MICAL3: variants seen among roughly 807,000 people sequenced by gnomAD.
MICAL3 encodes microtubule associated monooxygenase, calponin and LIM domain containing 3, also known as [F-actin]-monooxygenase MICAL3.
A neutral mutation model predicts 207.4 loss-of-function variants in MICAL3; 62 were observed. That is an observed-to-expected ratio of 0.30 (90% CI 0.24 to 0.37). MICAL3 has a LOEUF of 0.37. Ranked by LOEUF, MICAL3 falls within the 10% of genes least tolerant of loss-of-function variation. The pLI is 1.00. For missense variants in MICAL3, 2,368 were observed against 2,635.6 expected (o/e 0.90, Z 2.22); for synonymous variants, 1,077 against 1,069.3 (o/e 1.01, Z -0.14).
intron 1 of MICAL3, among the ~76,000 whole-genome samples, chr22:17,954,882 C>G (rs558104609): frequency 6.6e-6 from 1 of 152,188 alleles, no homozygotes; most frequent in African/African-American, 2.4e-5. Context: ...CACCACCACG[C>G]CCAGCTAATT....
intron 12 of MICAL3, 99 bp downstream of exon 12, chr22:17,891,386 T>G: frequency 9.5e-7 from 1 of 1,051,630 alleles, no homozygotes. Context: ...TCTTACTATG[T>G]ACCTCATTCT....
At chr22:17,848,854 C>A (rs1346408581) in intron 19 of MICAL3, among the ~76,000 whole-genome samples, 1 of 152,236 alleles carries the variant, frequency 6.6e-6, no homozygotes, top group Non-Finnish European at 1.5e-5. Context: ...CCTCTGCTGC[C>A]CCATTCACTA....
chr22:17,857,150 C>A (rs1010950265), intron 19 of MICAL3, among the ~76,000 whole-genome samples: 3 of 152,320 alleles, frequency 2.0e-5, no homozygotes, highest in Admixed American at 6.5e-5. Flanking sequence ...CAGGAGTCCC[C>A]ACCCCCTGCG....
At chr22:17,845,041 G>A (rs577785316) in intron 19 of MICAL3, among the ~76,000 whole-genome samples, 1 of 152,150 alleles carries the variant, frequency 6.6e-6, no homozygotes, top group Non-Finnish European at 1.5e-5. Context: ...TGTCTGTGGC[G>A]CCATTTGATT....
chr22:17,903,685 T>C (rs1393498569), intron 3 of MICAL3, among the ~76,000 whole-genome samples: 1 of 152,222 alleles, frequency 6.6e-6, no homozygotes, highest in Non-Finnish European at 1.5e-5. Context: ...CAGAGAACTG[T>C]GGGTCCCAAG....
At chr22:17,798,095 G>A (rs752553186) in intron 29 of MICAL3, among the ~76,000 whole-genome samples, 10 of 152,228 alleles carry the variant, frequency 6.6e-5, no homozygotes, top group Admixed American at 1.3e-4. Flanking sequence ...CAGGGAACAC[G>A]GGTTAGGTCC....
At chr22:17,837,725 C>T (rs1435778937) in intron 20 of MICAL3, among the ~76,000 whole-genome samples, 3 of 152,176 alleles carry the variant, frequency 2.0e-5, no homozygotes, top group South Asian at 2.1e-4. Flanking sequence ...GATTTATAGG[C>T]GCTTGTGTGA....
chr22:17,947,723 C>G (rs548427144), intron 1 of MICAL3, among the ~76,000 whole-genome samples: 1 of 148,508 alleles, frequency 6.7e-6, no homozygotes, highest in East Asian at 1.9e-4. Context: ...CACCACCACA[C>G]CCGGCTGATA....
At chr22:17,885,773 G>A (rs1181986165) in intron 16 of MICAL3, 105 bp downstream of exon 16, 23 of 1,215,906 alleles carry the variant, frequency 1.9e-5, no homozygotes, top group Non-Finnish European at 2.4e-5. Flanking sequence ...GCCAGCCCAC[G>A]AACGCTGGGG....
intron 1 of MICAL3, among the ~76,000 whole-genome samples, chr22:17,998,635 A>G (rs1469390122): frequency 2.0e-5 from 3 of 151,156 alleles, no homozygotes; most frequent in African/African-American, 7.3e-5. Flanking sequence ...GGCTCACTGC[A>G]ACCTCCACCT....
At chr22:17,895,485 T>C (rs1322964626) in intron 9 of MICAL3, 75 bp from the exon 10 acceptor site, 14 of 1,549,326 alleles carry the variant, frequency 9.0e-6, no homozygotes, top group African/African-American at 1.4e-5. Context: ...ATGATTGTTC[T>C]GACAGCGCAG....
At chr22:17,991,597 T>C (rs1446897481) in intron 1 of MICAL3, among the ~76,000 whole-genome samples, 1 of 152,194 alleles carries the variant, frequency 6.6e-6, no homozygotes, top group African/African-American at 2.4e-5. Flanking sequence ...TCCTTCATGT[T>C]AGCCAGTCAG....
chr22:17,790,490 G>C lies in MICAL3; in HGVS notation c.*242C>G, dbSNP rs11912641. ...TGCGTCATGCCATACACGCCGTGCT[G>C]CTCCTCTGAGTGGGAGGTCCAGGTG... On this transcript the variant is annotated 3_prime_UTR_variant, in exon 32 of 32. Coordinates refer to ENST00000441493, the MANE Select transcript of MICAL3 (RefSeq NM_015241.3). 105,148 of 561,210 alleles carry C rather than the reference G, an allele frequency of 0.19. 11,711 individuals are homozygous for C. Among genetic ancestry groups the C allele is most frequent in the Non-Finnish European group, 0.24 (75,454 of 313,994 alleles). 34.8% of individuals were successfully genotyped at this position (561,210 alleles called of 1,614,324 possible).
chr22:17,821,571 C>T (rs1921642990), intron 24 of MICAL3, 62 bp from the exon 25 acceptor site: 1 of 1,357,382 alleles, frequency 7.4e-7, no homozygotes, highest in East Asian at 2.6e-5. Context: ...GGAAGGCACC[C>T]CTATCAGCCA....
At chr22:17,980,338 G>T (rs1935851312) in intron 1 of MICAL3, among the ~76,000 whole-genome samples, 1 of 152,182 alleles carries the variant, frequency 6.6e-6, no homozygotes, top group Non-Finnish European at 1.5e-5. Context: ...GCTTCCAAAA[G>T]GAAATTGCTG....
In MICAL3 at chr22:17,817,958, A is replaced by G. The variant is rs552697106; in HGVS notation, c.4703T>C (p.Leu1568Pro). 2.0e-5 allele frequency: 32 copies of G among 1,612,418 alleles called. No homozygotes were observed. The Admixed American group carries it at 5.2e-4, about 26-fold the overall frequency. Residue 1568 changes from leucine (L) to proline (P), a missense_variant, in exon 26 of 32, where the codon CTG becomes CCG. Transcript: ENST00000441493. ...HPPLAKENGRLPALEGTLQPQ... is the reference protein window; with the variant it reads ...HPPLAKENGRPPALEGTLQPQ... ...CTGCAGCGTCCCCTCCAGAGCAGGC[A>G]GCCTCCCGTTCTCCTTGGCCAGGGG...
At position 17,842,003 on chromosome 22, in the gene MICAL3, C is replaced by A. The variant is rs1292034516; in HGVS notation, c.2620G>T (p.Gly874Cys). Residue 874 changes from glycine (G) to cysteine (C), a missense_variant, in exon 20 of 32, where the codon GGC becomes TGC. Physicochemically the swap from Gly to Cys is radical, Grantham distance 159. This residue lies in a region of MICAL3 where 1,770 missense variants were observed against 1,863.2 expected (regional missense o/e 0.95). Coordinates refer to ENST00000441493, the MANE Select transcript of MICAL3 (RefSeq NM_015241.3). ...TTGGCGATGCTGGGCTCCTCCAGGC[C>A]GTTCACGCCTGAACCTGCGGGACAA... Reference protein sequence around the residue: ...TERTPGSGVNGLEEPSIAKRL... With the variant: ...TERTPGSGVNCLEEPSIAKRL... 2 of 1,602,638 alleles carry A rather than the reference C, an allele frequency of 1.2e-6. No homozygotes were observed. The highest frequency in any genetic ancestry group is 4.5e-5 in the East Asian group (2 of 44,834).
At chr22:17,997,647 G>A (rs1922441706) in intron 1 of MICAL3, among the ~76,000 whole-genome samples, 1 of 152,134 alleles carries the variant, frequency 6.6e-6, no homozygotes, top group African/African-American at 2.4e-5. Context: ...CACACACTCT[G>A]GAATCAGAAA....
intron 16 of MICAL3, among the ~76,000 whole-genome samples, chr22:17,877,052 T>G (rs376364449): frequency 2.3e-4 from 28 of 121,684 alleles, no homozygotes; most frequent in South Asian, 5.3e-4. Flanking sequence ...TTATGGAGGT[T>G]AGGGAGGTTA....
Sources: gnomAD v4.1 joint callset for allele counts (sites outside exome capture counted in the v4.1 genomes callset) on GRCh38, gnomAD v4.1.1 for gene constraint, gnomAD v4.1.1 regional missense constraint, MANE v1.5 for transcripts, NCBI Gene and HGNC (gene_info 2026-07-23, HGNC 2026-07-21) for gene names.